ELL2: variants seen among roughly 807,000 people sequenced by gnomAD.
ELL2 encodes the protein elongation factor for RNA polymerase II 2, also known as RNA polymerase II elongation factor ELL2.
Under a neutral mutation model 72.8 loss-of-function variants are expected in ELL2, and 21 were observed. The observed-to-expected ratio is 0.29, with a 90% confidence interval of 0.20 to 0.42. ELL2 has a LOEUF of 0.42. Ranked by LOEUF, ELL2 falls within the 10% of genes least tolerant of loss-of-function variation. The pLI, the probability that ELL2 is intolerant of heterozygous loss-of-function variation, is 1.00. For missense variants in ELL2, 568 were observed against 772.8 expected, an observed-to-expected ratio of 0.73 and a Z score of 3.14; for synonymous variants, 266 against 283.2, an observed-to-expected ratio of 0.94 and a Z score of 0.61.
intron 2 of ELL2, among the ~76,000 whole-genome samples, chr5:95,939,280 C>T (rs751108209): frequency 3.3e-5 from 5 of 152,182 alleles, no homozygotes; most frequent in Non-Finnish European, 7.4e-5. Flanking sequence ...ATGAATCCTA[C>T]ATTATGAATT....
chr5:95,905,745 G>A (rs2112288353), intron 5 of ELL2, among the ~76,000 whole-genome samples: 2 of 127,980 alleles, frequency 1.6e-5, no homozygotes, highest in South Asian at 5.7e-4. Context: ...AAAACCTGTA[G>A]GGTTTTTTTT....
At chr5:95,899,299 A>G (rs1301249501) in intron 7 of ELL2, among the ~76,000 whole-genome samples, 1 of 152,224 alleles carries the variant, frequency 6.6e-6, no homozygotes, top group East Asian at 1.9e-4. Flanking sequence ...AAAGGGCAAT[A>G]GCCTGCACTT....
chr5:95,959,506 G>A (rs1021683833), intron 1 of ELL2, among the ~76,000 whole-genome samples: 2 of 152,160 alleles, frequency 1.3e-5, no homozygotes, highest in Admixed American at 6.5e-5. Flanking sequence ...TCTCTCCAGA[G>A]TTTCTCTCCA....
At chr5:95,919,909 T>A (rs1271077490) in intron 2 of ELL2, among the ~76,000 whole-genome samples, 1 of 152,232 alleles carries the variant, frequency 6.6e-6, no homozygotes, top group Non-Finnish European at 1.5e-5. Flanking sequence ...ATACAAGTTT[T>A]GTCTTTGGCT....
At chr5:95,918,629 T>C (rs1402020792) in intron 3 of ELL2, among the ~76,000 whole-genome samples, 10 of 152,206 alleles carry the variant, frequency 6.6e-5, no homozygotes, top group Admixed American at 6.5e-4. Flanking sequence ...GTCACAGAGA[T>C]ACGCTGGTCT....
rs1328793461 is a variant in ELL2 at position 95,888,285 on chromosome 5, G to T, written c.*586C>A. On this transcript the variant is annotated 3_prime_UTR_variant, in exon 12 of 12. Transcript: ENST00000237853. ...CTTGCAGGGCGGATTTAATGTTCTA[G>T]ATCAAGTCAGCCTGTATATACATAT... 6.6e-6 allele frequency: 1 copy of T among 152,644 alleles called. No individual in the cohort carries two copies. The highest frequency in any genetic ancestry group is 1.5e-5 in the Non-Finnish European group (1 of 68,064). 9.5% of individuals were successfully genotyped at this position (152,644 alleles called of 1,614,324 possible).
At chr5:95,891,041 G>A (rs1276505884) in intron 10 of ELL2, 62 bp downstream of exon 10, 16 of 1,605,022 alleles carry the variant, frequency 1.0e-5, no homozygotes, top group Non-Finnish European at 1.4e-5. Flanking sequence ...AGGTTGAGCA[G>A]GGCAGGGAAA....
intron 4 of ELL2, among the ~76,000 whole-genome samples, chr5:95,909,840 T>A (rs1014744158): frequency 3.9e-5 from 6 of 152,182 alleles, no homozygotes; most frequent in African/African-American, 1.4e-4. Flanking sequence ...TGGCTTTGAG[T>A]AAACAGTCTG....
Position 95,906,625 on chromosome 5 carries a change from T to C in ELL2, c.639A>G (p.Leu213=). Reference sequence around the variant, plus strand: ...GTTTCTTGTAGGCCTTCAGGGCCAGTAAGTGAATCACCCTGTCCCTGTATG... The same window carrying C: ...GTTTCTTGTAGGCCTTCAGGGCCAGCAAGTGAATCACCCTGTCCCTGTATG... ...QRPYRDRVIH[L]LALKAYKKPE... Residue 213 remains leucine, a synonymous_variant, in exon 5 of 12, where the codon TTA becomes TTG. Coordinates refer to ENST00000237853, the MANE Select transcript of ELL2 (RefSeq NM_012081.6). 1 of 1,614,134 alleles carries C rather than the reference T, an allele frequency of 6.2e-7. No individual in the cohort carries two copies. The highest frequency in any genetic ancestry group is 8.5e-7 in the Non-Finnish European group (1 of 1,179,978).
chr5:95,922,523 A>C (rs958650566), intron 2 of ELL2, among the ~76,000 whole-genome samples: 6 of 152,222 alleles, frequency 3.9e-5, no homozygotes, highest in African/African-American at 1.4e-4. Flanking sequence ...CACTAAACAG[A>C]GTGTTACAGA....
Position 95,950,937 on chromosome 5 carries a change from T to C in ELL2, c.148-7888A>G, listed in dbSNP as rs1431864820. ...ATATATATATATATATATATATATA[T>C]ATATATATATATATATAAAATCTTC... is the stretch of plus-strand genomic sequence containing the variant. On this transcript the variant is annotated intron_variant, in intron 1 of 11. Transcript: ENST00000237853. 3.9e-4 allele frequency among the ~76,000 whole-genome samples: 46 copies of C among 118,854 alleles called. 5 individuals carry two copies. Among genetic ancestry groups the C allele is most frequent in the African/African-American group, 1.5e-3 (42 of 28,486 alleles). 78.0% of individuals were successfully genotyped at this position (118,854 alleles called of 152,430 possible). A position where few individuals can be genotyped will look rare whatever the true frequency, so the allele number is the denominator to read the frequency against.
Position 95,898,574 on chromosome 5 carries a change from G to A in ELL2, c.1191C>T (p.Asn397=). The change falls in exon 8 of 12, where the codon AAC becomes AAT. Residue 397 remains asparagine, a synonymous_variant. Transcript: ENST00000237853. ...CCCGGCCTTCTGGAGTGCTAGGGGA[G>A]TTGGAGTTAGAATTTACAATCTGAG... is the stretch of plus-strand genomic sequence containing the variant. ...HPPQIVNSNS[N]SPSTPEGRGT... is the part of the protein sequence containing the mutation. The A allele has an allele frequency of 1.2e-6, 2 of 1,614,080 alleles. No individual in the cohort carries two copies. Among genetic ancestry groups the A allele is most frequent in the East Asian group, 4.5e-5 (2 of 44,880 alleles).
intron 4 of ELL2, among the ~76,000 whole-genome samples, chr5:95,909,371 C>T (rs1477629529): frequency 6.6e-6 from 1 of 152,182 alleles, no homozygotes. Context: ...AACTCAGCCA[C>T]ACTGGACCAC....
At chr5:95,958,108 C>T (rs1197683376) in intron 1 of ELL2, among the ~76,000 whole-genome samples, 1 of 152,180 alleles carries the variant, frequency 6.6e-6, no homozygotes, top group African/African-American at 2.4e-5. Context: ...GGCTACCTGC[C>T]ATCAAGTACC....
At chr5:95,891,639 C>G (rs779883502) in intron 9 of ELL2, among the ~76,000 whole-genome samples, 53 of 152,200 alleles carry the variant, frequency 3.5e-4, no homozygotes, top group Non-Finnish European at 6.5e-4. Flanking sequence ...TTACAAGTCA[C>G]AGAGAGACAG....
intron 7 of ELL2, among the ~76,000 whole-genome samples, chr5:95,899,195 C>A (rs529922157): frequency 6.6e-6 from 1 of 152,120 alleles, no homozygotes; most frequent in African/African-American, 2.4e-5. Context: ...AGGCAGTCAC[C>A]CTCCATTGCT....
chr5:95,943,277 A>G (rs538916308), intron 1 of ELL2, among the ~76,000 whole-genome samples: 23 of 151,888 alleles, frequency 1.5e-4, no homozygotes, highest in Non-Finnish European at 2.8e-4. Flanking sequence ...AAAAAAAAAA[A>G]AAAGAAAGAA....
At position 95,943,030 on chromosome 5, in the gene ELL2, G is replaced by A; in HGVS notation, c.167C>T (p.Pro56Leu). The A allele has an allele frequency of 6.2e-7, 1 of 1,601,442 alleles. No individual in the cohort carries two copies. Among genetic ancestry groups the A allele is most frequent in the Non-Finnish European group, 8.5e-7 (1 of 1,173,770 alleles). Residue 56 changes from proline to leucine, a missense_variant, in exon 2 of 12, where the codon CCT becomes CTT. By Grantham distance (98) the Pro-to-Leu change is moderately conservative (BLOSUM62 -3). Around this residue, in one of 2 missense-constraint regions of ELL2, gnomAD observed 511 missense variants for 728.4 expected, o/e 0.70. Transcript: ENST00000237853. ...GTGGAGTCCTTGGAACTGGATTGAA[G>A]GTCGAAAAGGAATTAAATTCTATTA... Reference protein sequence around the residue: ...QSHKNLIPFRPSIQFQGLHGL... With the variant: ...QSHKNLIPFRLSIQFQGLHGL...
intron 2 of ELL2, among the ~76,000 whole-genome samples, chr5:95,924,309 G>A (rs1750208456): frequency 6.6e-6 from 1 of 152,200 alleles, no homozygotes; most frequent in African/African-American, 2.4e-5. Flanking sequence ...ACGAGGAGGA[G>A]GAAGTGAAAA....
Sources: gnomAD v4.1 joint callset for allele counts (sites outside exome capture counted in the v4.1 genomes callset) on GRCh38, gnomAD v4.1.1 for gene constraint, gnomAD v4.1.1 regional missense constraint, MANE v1.5 for transcripts, NCBI Gene and HGNC (gene_info 2026-07-23, HGNC 2026-07-21) for gene names.